Variants in TPCN2 observed in about 807,000 individuals in gnomAD.
The protein encoded by TPCN2 is two pore segment channel 2.
A neutral mutation model predicts 111.4 loss-of-function variants in TPCN2; 92 were observed. The ratio of observed to expected loss-of-function variants is 0.83; its 90% CI spans 0.70 to 0.98. The LOEUF is 0.98. Among genes scored for constraint, TPCN2 ranks in the 50% least tolerant of loss-of-function variants. The pLI is 0.00. For missense variants in TPCN2, 995 were observed against 980.1 expected (o/e 1.02, Z -0.20); for synonymous variants, 405 against 414.5 (o/e 0.98, Z 0.28).
At chr11:69,049,675 TGGGGCGGGCCCCCTAGACG>T (rs1861127645) in intron 1 of TPCN2, among the ~76,000 whole-genome samples, 1 of 152,054 alleles carries the variant, frequency 6.6e-6, no homozygotes, top group East Asian at 1.9e-4. Flanking sequence ...CCCGTGGGGC[TGGGGCGGGCCCCCTAGACG>T]GGGGCGGCTT....
intron 22 of TPCN2, 68 bp from the exon 23 acceptor site, chr11:69,086,455 T>G: frequency 7.7e-7 from 1 of 1,297,914 alleles, no homozygotes; most frequent in Non-Finnish European, 1.1e-6. Flanking sequence ...CACGCAGCAG[T>G]GGTGTTTGTA....
At chr11:69,077,072 T>C (rs111164230) in intron 13 of TPCN2, among the ~76,000 whole-genome samples, 2,430 of 10,326 alleles carry the variant, frequency 0.24, 1 homozygote, top group Non-Finnish European at 0.28. Flanking sequence ...GTCCCTCCAC[T>C]TGCCCTCCTG....
intron 5 of TPCN2, among the ~76,000 whole-genome samples, chr11:69,059,664 C>G (rs568794004): frequency 1.1e-4 from 17 of 152,348 alleles, no homozygotes; most frequent in Non-Finnish European, 2.1e-4. Context: ...CCTGAAGCAG[C>G]ATTTGCAGGG....
intron 6 of TPCN2, among the ~76,000 whole-genome samples, chr11:69,063,673 T>C (rs1285055960): frequency 6.6e-6 from 1 of 152,084 alleles, no homozygotes; most frequent in Non-Finnish European, 1.5e-5. Context: ...TTTGTCACTG[T>C]CAAAGAAAGG....
At chr11:69,073,508 TGAGCCAGACCCTG>T (rs1459531888) in intron 13 of TPCN2, among the ~76,000 whole-genome samples, 1 of 152,236 alleles carries the variant, frequency 6.6e-6, no homozygotes, top group East Asian at 1.9e-4. Flanking sequence ...CTCAGAGGAC[TGAGCCAGACCCTG>T]GAACAGGGAT....
rs887441278 is a variant in TPCN2 at position 69,049,112 on chromosome 11, C to G, written c.109+6C>G. 2 of 1,238,990 alleles carry G rather than the reference C, an allele frequency of 1.6e-6. No individual in the cohort carries two copies. Among genetic ancestry groups the G allele is most frequent in the Non-Finnish European group, 2.0e-6 (2 of 985,644 alleles). The allele number at this position is 1,238,990 out of a possible 1,614,324, so 76.7% of individuals were successfully genotyped here. On this transcript the variant is annotated splice_donor_region_variant and intron_variant, in intron 1 of 24. Coordinates refer to ENST00000294309, the MANE Select transcript of TPCN2 (RefSeq NM_139075.4). ...CAGCATCCAAGTCGGCCCTGGTGAG[C>G]CGCCCGGACCTGGGGAGGGGACTGG...
At chr11:69,050,662 G>A (rs1395851738) in intron 1 of TPCN2, among the ~76,000 whole-genome samples, 2 of 152,254 alleles carry the variant, frequency 1.3e-5, no homozygotes, top group South Asian at 4.1e-4. Context: ...ACAGGCGTGA[G>A]CCACTGTGCC....
At position 69,083,986 on chromosome 11, in the gene TPCN2, G is replaced by T; in HGVS notation, c.1731G>T (p.Gln577His). ...VVASTVLGLV[Q>H]NMRAFGGILV... ...CCAGTACCGTCCTGGGCCTGGTGCA[G>T]AACATGCGTGCGTTTGGCGGGATCC... is the stretch of plus-strand genomic sequence containing the variant. Residue 577 changes from glutamine (Q) to histidine (H), a missense_variant, in exon 19 of 25, where the codon CAG becomes CAT. Coordinates refer to ENST00000294309, the MANE Select transcript of TPCN2 (RefSeq NM_139075.4). 6.2e-7 allele frequency: 1 copy of T among 1,614,210 alleles called. No homozygotes were observed. The highest frequency in any genetic ancestry group is 8.5e-7 in the Non-Finnish European group (1 of 1,180,040).
At chr11:69,076,831 GTGCCA>G (rs1855785633) in intron 13 of TPCN2, among the ~76,000 whole-genome samples, 2 of 19,116 alleles carry the variant, frequency 1.0e-4, no homozygotes, top group African/African-American at 2.4e-4. Flanking sequence ...TCCTGCCCTC[GTGCCA>G]TGTCCCTCCA....
chr11:69,076,592 G>A (rs1342735496), intron 13 of TPCN2, among the ~76,000 whole-genome samples: 1 of 144,122 alleles, frequency 6.9e-6, no homozygotes, highest in Non-Finnish European at 1.5e-5. Context: ...CCCTCCACCT[G>A]CCCTCCTGCC....
intron 13 of TPCN2, among the ~76,000 whole-genome samples, 195 bp from the exon 14 acceptor site, chr11:69,078,287 A>G (rs897990553): frequency 6.6e-6 from 1 of 152,116 alleles, no homozygotes; most frequent in Non-Finnish European, 1.5e-5. Context: ...TGGGTGTTAC[A>G]AAGACCACTG....
At chr11:69,074,103 A>G (rs7102709) in intron 13 of TPCN2, among the ~76,000 whole-genome samples, 133,120 of 152,242 alleles carry the variant, frequency 0.87, 59,710 homozygotes, top group Non-Finnish European at 0.99. Context: ...ACAAAATTCA[A>G]CCCATAGCAA....
chr11:69,059,224 T>TGG, intron 5 of TPCN2, among the ~76,000 whole-genome samples: 1 of 152,112 alleles, frequency 6.6e-6, no homozygotes, highest in South Asian at 2.1e-4. Flanking sequence ...GAGTAAGAGG[T>TGG]GGCCCAGAGG....
At chr11:69,056,475 C>T (rs982472796) in intron 4 of TPCN2, among the ~76,000 whole-genome samples, 1 of 152,196 alleles carries the variant, frequency 6.6e-6, no homozygotes, top group African/African-American at 2.4e-5. Context: ...TGAGAAGTGT[C>T]AAAAGGTGAG....
chr11:69,086,411 G>A, intron 22 of TPCN2, 112 bp from the exon 23 acceptor site: 3 of 851,060 alleles, frequency 3.5e-6, no homozygotes, highest in Non-Finnish European at 4.1e-6. Flanking sequence ...GCATCATGGT[G>A]TGTGTGGGCC....
chr11:69,077,696 A>G (rs867879283), intron 13 of TPCN2, among the ~76,000 whole-genome samples: 1 of 151,554 alleles, frequency 6.6e-6, no homozygotes, highest in Admixed American at 6.6e-5. Context: ...TGCGATTTTC[A>G]CTCTGCAGCC....
At chr11:69,087,532 C>G (rs1856334651) in intron 24 of TPCN2, among the ~76,000 whole-genome samples, 1 of 152,192 alleles carries the variant, frequency 6.6e-6, no homozygotes, top group African/African-American at 2.4e-5. Flanking sequence ...CTTCTCCTGG[C>G]AGCTTTGAGA....
At chr11:69,055,871 G>T (rs1242944947) in intron 4 of TPCN2, among the ~76,000 whole-genome samples, 1 of 152,218 alleles carries the variant, frequency 6.6e-6, no homozygotes, top group Non-Finnish European at 1.5e-5. Flanking sequence ...CCTCCTCAAG[G>T]CTCACCCTGC....
intron 7 of TPCN2, among the ~76,000 whole-genome samples, chr11:69,066,811 G>T (rs1218186073): frequency 6.6e-6 from 1 of 152,198 alleles, no homozygotes. Flanking sequence ...CTGGAGGCTT[G>T]GTAGGCAGAG....
Sources: gnomAD v4.1 joint callset for allele counts (sites outside exome capture counted in the v4.1 genomes callset) on GRCh38, gnomAD v4.1.1 for gene constraint, MANE v1.5 for transcripts, NCBI Gene and HGNC (gene_info 2026-07-23, HGNC 2026-07-21) for gene names.